TRAPPC9: variants seen among roughly 807,000 people sequenced by gnomAD.
The protein encoded by TRAPPC9 is trafficking protein particle complex subunit 9, also known as IKK2 binding protein.
A neutral mutation model predicts 124.0 loss-of-function variants in TRAPPC9; 83 were observed. The observed-to-expected ratio is 0.67, with a 90% CI of 0.56 to 0.80. TRAPPC9 has a LOEUF of 0.80. Ranked by LOEUF, TRAPPC9 falls within the 30% of genes least tolerant of loss-of-function variation. TRAPPC9 has a pLI of 0.00. For missense variants in TRAPPC9, 1,302 were observed against 1,508.3 expected (o/e 0.86, Z 2.27); for synonymous variants, 638 against 617.5 (o/e 1.03, Z -0.49).
At position 140,193,612 on chromosome 8, in the gene TRAPPC9, T is replaced by C. The variant is rs1217616651; in HGVS notation, c.2556+27847A>G. ...GTTCCATAAGGGCAGAAGGGATCTT[T>C]GTACTTTCAGAAAAAAAAAAAAAAA... On this transcript the variant is annotated intron_variant, in intron 17 of 22. Transcript: ENST00000438773. Among the ~76,000 whole-genome samples the C allele has an allele frequency of 1.2e-4, 17 of 138,022 alleles. 1 individual carries two copies. Among genetic ancestry groups the C allele is most frequent in the Admixed American group, 1.2e-3 (15 of 12,564 alleles). 90.5% of individuals were successfully genotyped at this position (138,022 alleles called of 152,430 possible). A position where few individuals can be genotyped will look rare whatever the true frequency, so the allele number is the denominator to read the frequency against.
chr8:140,334,495 C>T (rs2066982468), intron 9 of TRAPPC9, among the ~76,000 whole-genome samples: 1 of 151,828 alleles, frequency 6.6e-6, no homozygotes, highest in African/African-American at 2.4e-5. Context: ...ACTAAAAATA[C>T]AAAAATTAGC....
At chr8:140,172,355 C>G (rs1210653214) in intron 17 of TRAPPC9, among the ~76,000 whole-genome samples, 7 of 150,408 alleles carry the variant, frequency 4.7e-5, no homozygotes, top group Non-Finnish European at 8.8e-5. Flanking sequence ...TAAACTACCT[C>G]TGGACAATGG....
At chr8:140,222,308 T>A (rs566161787) in intron 16 of TRAPPC9, among the ~76,000 whole-genome samples, 52 of 152,326 alleles carry the variant, frequency 3.4e-4, no homozygotes, top group Admixed American at 1.1e-3. Flanking sequence ...GTTTTTTTCT[T>A]ACTTGTTAAC....
At chr8:140,453,508 G>A (rs973438176) in intron 1 of TRAPPC9, among the ~76,000 whole-genome samples, 3 of 48,490 alleles carry the variant, frequency 6.2e-5, no homozygotes, top group African/African-American at 2.1e-4. Flanking sequence ...TGTGTCGGGG[G>A]CTATCCTGGA....
Position 140,225,621 on chromosome 8 carries a change from A to G in TRAPPC9, c.2432-4038T>C, listed in dbSNP as rs1199127512. On this transcript the variant is annotated intron_variant, in intron 16 of 22. Transcript: ENST00000438773. ...GCCATGTGCAAAACGTAAACTCCAC[A>G]TTTCTCTAGCATGTTACCCCAGGAA... Among the ~76,000 whole-genome samples, 6 of 152,284 alleles carry G rather than the reference A, an allele frequency of 3.9e-5. No homozygotes were observed. The East Asian group carries it at 9.7e-4, about 25-fold the overall frequency.
intron 17 of TRAPPC9, among the ~76,000 whole-genome samples, chr8:140,136,207 G>A (rs2061301106): frequency 6.6e-6 from 1 of 152,106 alleles, no homozygotes; most frequent in South Asian, 2.1e-4. Context: ...CAGAGGAGAG[G>A]GCTGTGGGAA....
intron 5 of TRAPPC9, among the ~76,000 whole-genome samples, chr8:140,418,697 G>A (rs2132503176): frequency 6.6e-6 from 1 of 152,022 alleles, no homozygotes; most frequent in East Asian, 1.9e-4. Context: ...TCCAGCCTGG[G>A]CGACAAAGCG....
At chr8:140,027,325 A>G (rs1339947079) in intron 17 of TRAPPC9, among the ~76,000 whole-genome samples, 1 of 152,270 alleles carries the variant, frequency 6.6e-6, no homozygotes, top group East Asian at 1.9e-4. Context: ...ATGCAGGCAC[A>G]GTGGTCATGG....
At chr8:140,334,210 A>G (rs1185106483) in intron 9 of TRAPPC9, among the ~76,000 whole-genome samples, 1 of 152,198 alleles carries the variant, frequency 6.6e-6, no homozygotes, top group Non-Finnish European at 1.5e-5. Context: ...TCCACCCTCT[A>G]TAAGGAAGAA....
chr8:140,282,948 T>C (rs1225150379), intron 14 of TRAPPC9, among the ~76,000 whole-genome samples: 1 of 152,136 alleles, frequency 6.6e-6, no homozygotes, highest in African/African-American at 2.4e-5. Context: ...TCTTACAGGA[T>C]AAGAGTTGGC....
intron 9 of TRAPPC9, among the ~76,000 whole-genome samples, chr8:140,312,758 C>CTTTTTT (rs553049081): frequency 2.0e-5 from 2 of 98,574 alleles, no homozygotes; most frequent in Non-Finnish European, 4.3e-5. Flanking sequence ...TCTTCTTCTT[C>CTTTTTT]TTTTTTTTTT....
rs1308638099 is a variant in TRAPPC9 at position 140,182,844 on chromosome 8, CTG to C, written c.2556+38613_2556+38614del. On this transcript the variant is annotated intron_variant, in intron 17 of 22. Coordinates refer to ENST00000438773, the MANE Select transcript of TRAPPC9 (RefSeq NM_001160372.4). The surrounding 1 kb of genome is among the most constrained non-coding windows in gnomAD (Gnocchi z 4.0). Reference sequence around the variant, plus strand: ...TCTGCCCGTCTATGCGTCCCCCAAACTGTGGCTCAACCACCAGCTTCCCAGTG... The same window carrying C: ...TCTGCCCGTCTATGCGTCCCCCAAACTGGCTCAACCACCAGCTTCCCAGTG... Among the ~76,000 whole-genome samples the C allele has an allele frequency of 6.6e-6, 1 of 152,184 alleles. No individual in the cohort carries two copies. Among genetic ancestry groups the C allele is most frequent in the African/African-American group, 2.4e-5 (1 of 41,442 alleles).
chr8:140,336,368 C>T lies in TRAPPC9; in HGVS notation c.1495+23682G>A, dbSNP rs113387652. On this transcript the variant is annotated intron_variant, in intron 9 of 22. Transcript: ENST00000438773. ...CCCTGGCTTGCCTCTGTCTGCACCA[C>T]GCTCTGCTCTGCGGCAAATGAGAGA... is the stretch of plus-strand genomic sequence containing the variant. Among the ~76,000 whole-genome samples, 298 of 152,306 alleles carry T rather than the reference C, an allele frequency of 2.0e-3. 3 individuals carry two copies. The highest frequency in any genetic ancestry group is 6.2e-3 in the African/African-American group (256 of 41,552).
At chr8:139,899,206 CA>C (rs1422076200) in intron 20 of TRAPPC9, among the ~76,000 whole-genome samples, 14 of 150,720 alleles carry the variant, frequency 9.3e-5, no homozygotes, top group African/African-American at 3.4e-4. Context: ...AGCATGGGGT[CA>C]GGGGTGTCTA....
At chr8:139,846,656 T>C (rs556997363) in intron 21 of TRAPPC9, among the ~76,000 whole-genome samples, 1 of 152,346 alleles carries the variant, frequency 6.6e-6, no homozygotes, top group African/African-American at 2.4e-5. Context: ...GCAAACACGA[T>C]GCTAGCCGCA....
intron 21 of TRAPPC9, among the ~76,000 whole-genome samples, chr8:139,741,909 C>T (rs1783391408): frequency 6.6e-6 from 1 of 152,182 alleles, no homozygotes; most frequent in Non-Finnish European, 1.5e-5. Context: ...ACATTTTGTT[C>T]ATATAGCATC....
intron 4 of TRAPPC9, among the ~76,000 whole-genome samples, chr8:140,428,840 T>A (rs1267596723): frequency 6.6e-6 from 1 of 152,162 alleles, no homozygotes; most frequent in Admixed American, 6.5e-5. Context: ...AGAAACCTGC[T>A]GCCTACACAA....
At chr8:139,800,362 C>G (rs915482824) in intron 21 of TRAPPC9, among the ~76,000 whole-genome samples, 1 of 152,254 alleles carries the variant, frequency 6.6e-6, no homozygotes, top group Non-Finnish European at 1.5e-5. Flanking sequence ...AGCATGTGCC[C>G]CAGAGACCCA....
intron 14 of TRAPPC9, among the ~76,000 whole-genome samples, chr8:140,281,940 A>G (rs1370657153): frequency 1.3e-5 from 2 of 152,098 alleles, no homozygotes; most frequent in African/African-American, 4.8e-5. Flanking sequence ...CCCCCAGCAC[A>G]TGGGACCTCC....
Sources: gnomAD v4.1 joint callset for allele counts (sites outside exome capture counted in the v4.1 genomes callset) on GRCh38, gnomAD v4.1.1 for gene constraint, Gnocchi (gnomAD v3.1) non-coding constraint, MANE v1.5 for transcripts, NCBI Gene and HGNC (gene_info 2026-07-23, HGNC 2026-07-21) for gene names.